The following ARL15 variants were observed in gnomAD, a reference collection of about 807,000 sequenced individuals.
The protein encoded by ARL15 is ADP-ribosylation factor-like protein 15.
A neutral mutation model predicts 25.2 loss-of-function variants in ARL15; 19 were observed. The ratio of observed to expected loss-of-function variants is 0.75; its 90% CI spans 0.53 to 1.10. The LOEUF (loss-of-function observed/expected upper bound fraction) is 1.10, where lower values mean the gene tolerates loss of function less well. Among genes scored for constraint, ARL15 ranks in the 50% least tolerant of loss-of-function variants. The pLI, the probability that ARL15 is intolerant of heterozygous loss-of-function variation, is 0.00. For synonymous variants in ARL15, 94 were observed against 86.8 expected, an observed-to-expected ratio of 1.08 and a Z score of -0.46; for missense variants, 220 against 246.0, an observed-to-expected ratio of 0.89 and a Z score of 0.71.
intron 4 of ARL15, among the ~76,000 whole-genome samples, chr5:53,940,816 T>C (rs551451124): frequency 6.6e-6 from 1 of 152,234 alleles, no homozygotes; most frequent in Non-Finnish European, 1.5e-5. Flanking sequence ...GTACATTTTA[T>C]AGCAAATAGC....
At chr5:54,252,577 C>T (rs1757260556) in intron 1 of ARL15, among the ~76,000 whole-genome samples, 1 of 152,100 alleles carries the variant, frequency 6.6e-6, no homozygotes, top group South Asian at 2.1e-4. Flanking sequence ...GAGGGTCAAT[C>T]AGGATTGGTC....
intron 4 of ARL15, among the ~76,000 whole-genome samples, chr5:53,965,254 A>C (rs1747512084): frequency 6.6e-6 from 1 of 152,198 alleles, no homozygotes; most frequent in African/African-American, 2.4e-5. Flanking sequence ...TTAGTGTTTA[A>C]TCAAATGATA....
chr5:53,954,619 C>T (rs1398561437), intron 4 of ARL15, among the ~76,000 whole-genome samples: 2 of 152,052 alleles, frequency 1.3e-5, no homozygotes, highest in African/African-American at 2.4e-5. Flanking sequence ...ACTTTAAGAA[C>T]TCATGTAAAC....
At chr5:54,171,740 G>A in intron 2 of ARL15, 44 bp downstream of exon 2, 2 of 1,568,848 alleles carry the variant, frequency 1.3e-6, no homozygotes, top group Non-Finnish European at 1.7e-6. Context: ...AGGACATCTT[G>A]GGATGAGAAA....
chr5:53,956,215 G>A (rs1210336651), intron 4 of ARL15, among the ~76,000 whole-genome samples: 1 of 151,746 alleles, frequency 6.6e-6, no homozygotes, highest in Non-Finnish European at 1.5e-5. Context: ...AAGGAATAAA[G>A]CTATCAGAGA....
intron 4 of ARL15, among the ~76,000 whole-genome samples, chr5:54,043,414 G>A (rs1413390311): frequency 6.6e-6 from 1 of 152,078 alleles, no homozygotes; most frequent in African/African-American, 2.4e-5. Context: ...GACATTCTAG[G>A]ATTCTGCTCA....
At chr5:53,926,665 T>C (rs1746036239) in intron 4 of ARL15, among the ~76,000 whole-genome samples, 1 of 152,168 alleles carries the variant, frequency 6.6e-6, no homozygotes, top group African/African-American at 2.4e-5. Context: ...AAAAAAACCA[T>C]TCAGCTGAAA....
intron 1 of ARL15, among the ~76,000 whole-genome samples, chr5:54,268,532 G>A (rs1438656348): frequency 2.6e-5 from 4 of 152,150 alleles, no homozygotes; most frequent in Non-Finnish European, 4.4e-5. Flanking sequence ...CTTTGGAGGA[G>A]GAGAGGCGCT....
intron 4 of ARL15, among the ~76,000 whole-genome samples, chr5:53,921,527 C>T (rs1745861229): frequency 6.6e-6 from 1 of 152,114 alleles, no homozygotes; most frequent in Admixed American, 6.5e-5. Flanking sequence ...GCGTATAAAA[C>T]ACTAAAAGCA....
chr5:54,131,076 T>G (rs1382758619), intron 3 of ARL15, among the ~76,000 whole-genome samples: 6 of 152,196 alleles, frequency 3.9e-5, no homozygotes, highest in Non-Finnish European at 7.3e-5. Flanking sequence ...GGGTGTCCAG[T>G]GGGACCTGGG....
chr5:54,126,944 C>T (rs1228876066), intron 3 of ARL15, among the ~76,000 whole-genome samples: 1 of 151,946 alleles, frequency 6.6e-6, no homozygotes, highest in Non-Finnish European at 1.5e-5. Context: ...TGGTGTGCTA[C>T]ACCCATTAAC....
chr5:54,179,081 C>T (rs562095859), intron 1 of ARL15, among the ~76,000 whole-genome samples: 3 of 152,282 alleles, frequency 2.0e-5, no homozygotes, highest in Admixed American at 6.5e-5. Context: ...AACTTGCCTA[C>T]GTGGAACAGG....
chr5:54,302,556 C>A (rs1758639940), intron 1 of ARL15, among the ~76,000 whole-genome samples: 1 of 152,094 alleles, frequency 6.6e-6, no homozygotes, highest in Non-Finnish European at 1.5e-5. Context: ...GGTCAGGGAA[C>A]CAGCAATGAT....
chr5:54,028,020 C>T (rs1369997560), intron 4 of ARL15, among the ~76,000 whole-genome samples: 1 of 151,826 alleles, frequency 6.6e-6, no homozygotes, highest in African/African-American at 2.4e-5. Flanking sequence ...GGGTTCATGC[C>T]ATTCATTCTT....
chr5:54,051,882 G>T (rs1464766496), intron 4 of ARL15, among the ~76,000 whole-genome samples: 1 of 152,100 alleles, frequency 6.6e-6, no homozygotes, highest in African/African-American at 2.4e-5. Flanking sequence ...AAAACTAGAA[G>T]CAATCAAGAT....
At chr5:54,105,442 T>A (rs1262156277) in intron 4 of ARL15, among the ~76,000 whole-genome samples, 3 of 152,170 alleles carry the variant, frequency 2.0e-5, no homozygotes, top group Non-Finnish European at 2.9e-5. Context: ...TTGGATAAAA[T>A]CAGTCTCTAA....
At chr5:54,221,790 G>C (rs1325705665) in intron 1 of ARL15, among the ~76,000 whole-genome samples, 1 of 151,008 alleles carries the variant, frequency 6.6e-6, no homozygotes, top group Non-Finnish European at 1.5e-5. Flanking sequence ...ATGGGGGCCA[G>C]AGAAGTAATT....
At chr5:54,204,002 C>T (rs770652419) in intron 1 of ARL15, among the ~76,000 whole-genome samples, 4 of 152,006 alleles carry the variant, frequency 2.6e-5, no homozygotes, top group African/African-American at 4.8e-5. Flanking sequence ...TTGCCCACCC[C>T]GCCAAGGTTT....
intron 4 of ARL15, among the ~76,000 whole-genome samples, chr5:53,991,901 AAAT>A (rs750067651): frequency 9.8e-5 from 15 of 152,318 alleles, no homozygotes; most frequent in Admixed American, 3.3e-4. Flanking sequence ...AGTTTGAAAA[AAAT>A]AATACTTATA....
Sources: gnomAD v4.1 joint callset for allele counts (sites outside exome capture counted in the v4.1 genomes callset) on GRCh38, gnomAD v4.1.1 for gene constraint, MANE v1.5 for transcripts, NCBI Gene and HGNC (gene_info 2026-07-23, HGNC 2026-07-21) for gene names.